Variants in TIAM1 observed in about 807,000 individuals in gnomAD.
TIAM1 encodes TIAM Rac1 associated GEF 1.
A neutral mutation model predicts 163.5 loss-of-function variants in TIAM1; 65 were observed. The ratio of observed to expected loss-of-function variants is 0.40; its 90% CI spans 0.33 to 0.49. The LOEUF (loss-of-function observed/expected upper bound fraction) is 0.49. Ranked by LOEUF, TIAM1 falls within the 20% of genes least tolerant of loss-of-function variation. TIAM1 has a pLI of 0.77. For synonymous variants in TIAM1, 833 were observed against 810.1 expected, an observed-to-expected ratio of 1.03 and a Z score of -0.48; for missense variants, 1,789 against 2,044.7, an observed-to-expected ratio of 0.87 and a Z score of 2.41.
In TIAM1 at chr21:31,225,764, C is replaced by T. The variant is rs1440817970; in HGVS notation, c.1771G>A (p.Val591Ile). 2 of 1,613,682 alleles carry T rather than the reference C, an allele frequency of 1.2e-6. No individual in the cohort carries two copies. Among genetic ancestry groups the T allele is most frequent in the Non-Finnish European group, 8.5e-7 (1 of 1,180,030 alleles). Reference protein sequence around the residue: ...KKMGEMQLSSVTDSKKKKTIL... With the variant: ...KKMGEMQLSSITDSKKKKTIL... ...GTTTTCTTTTTCTTTGAGTCAGTGACTGAAGACAGCTGCATTTCACCCATT... is the reference window on the plus strand; with the variant it reads ...GTTTTCTTTTTCTTTGAGTCAGTGATTGAAGACAGCTGCATTTCACCCATT... Residue 591 changes from valine to isoleucine, a missense_variant, in exon 7 of 28, where the codon GTC becomes ATC. Coordinates refer to ENST00000541036, the MANE Select transcript of TIAM1 (RefSeq NM_001353694.2).
chr21:31,263,218 G>A (rs2072577386), intron 4 of TIAM1, among the ~76,000 whole-genome samples: 1 of 152,134 alleles, frequency 6.6e-6, no homozygotes, highest in South Asian at 2.1e-4. Context: ...TTCCATGCAT[G>A]GTATCCTATT....
At position 31,120,511 on chromosome 21, in the gene TIAM1, T is replaced by A. The variant is rs756911038; in HGVS notation, c.4633A>T (p.Ser1545Cys). The A allele has an allele frequency of 6.2e-7, 1 of 1,614,220 alleles. No individual in the cohort carries two copies. The highest frequency in any genetic ancestry group is 2.2e-5 in the East Asian group (1 of 44,872). The change falls in exon 28 of 28, where the codon AGT becomes TGT. Residue 1545 changes from serine to cysteine, a missense_variant. By Grantham distance (112) the Ser-to-Cys change is moderately radical. Transcript: ENST00000541036. This position sits in a 1 kb window ranked among gnomAD's most constrained non-coding sequence, Gnocchi z 4.2. ...AGCTGTGCCATGCGGGACGCGTGAC[T>A]ATCCAGGGTTTTCCGGCCTCTTTCC... ...QRERGRKTLD[S>C]HASRMAQLKK...
Position 31,266,136 on chromosome 21 carries a change from C to G in TIAM1, c.837G>C (p.Glu279Asp). The change falls in exon 4 of 28, where the codon GAG (glutamate) becomes GAC (aspartate). Residue 279 changes from glutamate (E) to aspartate (D), a missense_variant. Around this residue, in one of 5 missense-constraint regions of TIAM1, gnomAD observed 555 missense variants for 564.9 expected, o/e 0.98. Coordinates refer to ENST00000541036, the MANE Select transcript of TIAM1 (RefSeq NM_001353694.2). Reference sequence around the variant, plus strand: ...TGTTATAATTACTGTACGGAGGAGTCTCTTCAGCAGCAGCTGGTGGCATCT... The same window carrying G: ...TGTTATAATTACTGTACGGAGGAGTGTCTTCAGCAGCAGCTGGTGGCATCT... ...NHKMPPAAAE[E>D]TPPYSNYNTL... 3 of 1,614,208 alleles carry G rather than the reference C, an allele frequency of 1.9e-6. No homozygotes were observed. The highest frequency in any genetic ancestry group is 1.7e-6 in the Non-Finnish European group (2 of 1,180,048).
chr21:31,182,816 G>T (rs923454650), intron 14 of TIAM1, among the ~76,000 whole-genome samples, 171 bp from the exon 15 acceptor site: 1 of 152,242 alleles, frequency 6.6e-6, no homozygotes, highest in African/African-American at 2.4e-5. Context: ...GGGGCCTCAG[G>T]TTCTGAAGGT....
chr21:31,418,634 T>C (rs575364497), intron 2 of TIAM1, among the ~76,000 whole-genome samples: 23 of 152,244 alleles, frequency 1.5e-4, no homozygotes, highest in Non-Finnish European at 2.6e-4. Flanking sequence ...TTAGAAAGGT[T>C]AGCAGTAAGT....
intron 6 of TIAM1, among the ~76,000 whole-genome samples, chr21:31,238,099 T>TGA (rs2070988515): frequency 6.6e-6 from 1 of 152,188 alleles, no homozygotes; most frequent in Admixed American, 6.5e-5. Flanking sequence ...AATCTGTGGG[T>TGA]ATTTGAGTAA....
chr21:31,160,459 G>GATT (rs1227803487), intron 16 of TIAM1: 9 of 398,502 alleles, frequency 2.3e-5, no homozygotes, highest in Non-Finnish European at 4.0e-5. Context: ...TGAAGTGTTC[G>GATT]ATACATAGAG....
chr21:31,330,746 C>T (rs1242612069), intron 2 of TIAM1, among the ~76,000 whole-genome samples: 2 of 151,986 alleles, frequency 1.3e-5, no homozygotes, highest in Admixed American at 6.6e-5. Flanking sequence ...GGAGACACAC[C>T]GAAAGAGAAA....
At chr21:31,232,033 G>A (rs1601640290) in intron 6 of TIAM1, among the ~76,000 whole-genome samples, 1 of 151,912 alleles carries the variant, frequency 6.6e-6, no homozygotes, top group South Asian at 2.1e-4. Flanking sequence ...AAGTTCTGGC[G>A]ATGAATAATG....
chr21:31,481,372 T>C (rs2046103793), intron 1 of TIAM1, among the ~76,000 whole-genome samples: 1 of 152,170 alleles, frequency 6.6e-6, no homozygotes, highest in South Asian at 2.1e-4. Context: ...GGGTTTTTCC[T>C]CACACCAACC....
At chr21:31,559,054 C>T (rs1040694177), upstream of TIAM1, 8 of 151,952 alleles carry the variant, frequency 5.3e-5, no homozygotes, top group African/African-American at 1.9e-4. Flanking sequence ...GGCGGCGCTG[C>T]TCTGCCGGCC....
intron 2 of TIAM1, among the ~76,000 whole-genome samples, chr21:31,338,593 C>T (rs1450496202): frequency 6.6e-6 from 1 of 152,172 alleles, no homozygotes; most frequent in East Asian, 1.9e-4. Flanking sequence ...TACCCACAGC[C>T]CTTTCTGCTG....
intron 2 of TIAM1, among the ~76,000 whole-genome samples, chr21:31,438,179 C>CTTTTTTTTTTTTTTTTTTT (rs34844399): frequency 8.0e-5 from 5 of 62,722 alleles, no homozygotes; most frequent in African/African-American, 3.5e-4. Context: ...TATTTGTGAT[C>CTTTTTTTTTTTTTTTTTTT]TTTTTTTTTT....
chr21:31,303,900 C>T (rs1255713269), intron 2 of TIAM1, among the ~76,000 whole-genome samples: 1 of 152,104 alleles, frequency 6.6e-6, no homozygotes, highest in Non-Finnish European at 1.5e-5. Context: ...ATTGCTTGAA[C>T]CCTGGAGGCG....
chr21:31,160,664 G>A (rs754727201), intron 16 of TIAM1: 63 of 395,414 alleles, frequency 1.6e-4, no homozygotes, highest in Non-Finnish European at 2.3e-4. Flanking sequence ...TCATATGGAC[G>A]TCCCATGCTG....
At chr21:31,555,167 T>A (rs542704990) in intron 1 of TIAM1, among the ~76,000 whole-genome samples, 1 of 151,502 alleles carries the variant, frequency 6.6e-6, no homozygotes, top group East Asian at 1.9e-4. Context: ...CCTACAATGA[T>A]GATGAGAGAG....
intron 2 of TIAM1, among the ~76,000 whole-genome samples, chr21:31,372,164 T>G (rs563983471): frequency 6.6e-6 from 1 of 152,164 alleles, no homozygotes; most frequent in Non-Finnish European, 1.5e-5. Context: ...TTCTTATCAC[T>G]TCTGATGGGC....
At position 31,266,542 on chromosome 21, in the gene TIAM1, T is replaced by C. The variant is rs990942392; in HGVS notation, c.431A>G (p.Glu144Gly). Residue 144 changes from glutamate to glycine, a missense_variant, in exon 4 of 28, where the codon GAG becomes GGG. By Grantham distance (98) the Glu-to-Gly change is moderately conservative. This residue lies in a region of TIAM1 where 555 missense variants were observed against 564.9 expected (regional missense o/e 0.98). Coordinates refer to ENST00000541036, the MANE Select transcript of TIAM1 (RefSeq NM_001353694.2). ...ATAGGAATGCTGCCTCCTGCCTCCC[T>C]CAGCCAAATATGTAGCGTCATCCCC... ...LYGDDATYLA[E>G]GGRRQHSYTS... 4 of 1,614,186 alleles carry C rather than the reference T, an allele frequency of 2.5e-6. No homozygotes were observed. Among genetic ancestry groups the C allele is most frequent in the Non-Finnish European group, 2.5e-6 (3 of 1,180,038 alleles).
At chr21:31,203,906 G>C (rs536105286) in intron 11 of TIAM1, among the ~76,000 whole-genome samples, 1 of 152,292 alleles carries the variant, frequency 6.6e-6, no homozygotes, top group African/African-American at 2.4e-5. Flanking sequence ...TAATAGGCGT[G>C]TGTCCAACTA....
Sources: gnomAD v4.1 joint callset for allele counts (sites outside exome capture counted in the v4.1 genomes callset) on GRCh38, gnomAD v4.1.1 for gene constraint, gnomAD v4.1.1 regional missense constraint, Gnocchi (gnomAD v3.1) non-coding constraint, MANE v1.5 for transcripts, NCBI Gene and HGNC (gene_info 2026-07-23, HGNC 2026-07-21) for gene names.